Variants in FHL5 observed in about 807,000 individuals in gnomAD.
FHL5 encodes the protein four and a half LIM domains 5.
FHL5 carries 33 observed loss-of-function variants against 32.0 expected under a neutral mutation model. The ratio of observed to expected loss-of-function variants is 1.03; its 90% CI spans 0.78 to 1.38. The LOEUF is 1.38. Among genes scored for constraint, FHL5 ranks in the 40% most tolerant of loss-of-function variants. The pLI, the probability that FHL5 is intolerant of heterozygous loss-of-function variation, is 0.00. For synonymous variants in FHL5, 114 were observed against 113.6 expected (o/e 1.00, Z -0.02); for missense variants, 336 against 343.9 (o/e 0.98, Z 0.18).
Position 96,588,534 on chromosome 6 carries a change from T to A in FHL5, c.-12-15068T>A, listed in dbSNP as rs1194769862. Reference sequence around the variant, plus strand: ...TTTCTTTGTCCTCACCAACATTTGATATTGTCAGCATTCTTTTCATATTTT... The same window carrying A: ...TTTCTTTGTCCTCACCAACATTTGAAATTGTCAGCATTCTTTTCATATTTT... On this transcript the variant is annotated intron_variant, in intron 1 of 5. Transcript: ENST00000450218. 3.9e-5 allele frequency among the ~76,000 whole-genome samples: 6 copies of A among 152,340 alleles called. No individual in the cohort carries two copies. In the East Asian group the frequency reaches 1.2e-3, roughly 29 times the overall value.
At chr6:96,591,821 A>G (rs892858505) in intron 1 of FHL5, among the ~76,000 whole-genome samples, 4 of 152,242 alleles carry the variant, frequency 2.6e-5, no homozygotes, top group Non-Finnish European at 5.9e-5. Context: ...AGAACAAAAG[A>G]GAGAAATTTT....
At chr6:96,594,709 G>A (rs965173828) in intron 1 of FHL5, among the ~76,000 whole-genome samples, 14 of 151,778 alleles carry the variant, frequency 9.2e-5, no homozygotes, top group African/African-American at 3.4e-4. Context: ...CTTCTTTTGT[G>A]ATGTCTCAGT....
At chr6:96,583,072 C>T in intron 1 of FHL5, among the ~76,000 whole-genome samples, 1 of 152,098 alleles carries the variant, frequency 6.6e-6, no homozygotes, top group Admixed American at 6.6e-5. Context: ...AAACTATACG[C>T]TAGGGCTAAA....
At chr6:96,580,737 T>G (rs1220990946) in intron 1 of FHL5, among the ~76,000 whole-genome samples, 1 of 152,218 alleles carries the variant, frequency 6.6e-6, no homozygotes, top group Non-Finnish European at 1.5e-5. Flanking sequence ...ATGTGATTGA[T>G]TTTGAAATCT....
chr6:96,592,500 G>C (rs1770942600), intron 1 of FHL5, among the ~76,000 whole-genome samples: 1 of 152,118 alleles, frequency 6.6e-6, no homozygotes, highest in Non-Finnish European at 1.5e-5. Flanking sequence ...AATTTGTGCA[G>C]TTAATGCAAT....
intron 4 of FHL5, among the ~76,000 whole-genome samples, chr6:96,606,362 AT>A (rs1191582600): frequency 6.7e-6 from 1 of 150,322 alleles, no homozygotes; most frequent in Admixed American, 6.6e-5. Flanking sequence ...TTGTTGTTTT[AT>A]TTTTTTGGGA....
At chr6:96,604,678 T>G in intron 2 of FHL5, 72 bp from the exon 3 acceptor site, 1 of 1,221,970 alleles carries the variant, frequency 8.2e-7, no homozygotes, top group Non-Finnish European at 1.2e-6. Context: ...CCAGGAGTGT[T>G]CAGTTTTGTT....
intron 1 of FHL5, among the ~76,000 whole-genome samples, chr6:96,602,449 TTTTTTTTTTTTTTTTG>T (rs1771173258): frequency 8.4e-6 from 1 of 119,186 alleles, no homozygotes; most frequent in African/African-American, 3.5e-5. Flanking sequence ...TTTTTTTTTT[TTTTTTTTTTTTTTTTG>T]AGACGGAGTC....
chr6:96,570,313 C>T (rs1258076439), intron 1 of FHL5, among the ~76,000 whole-genome samples: 1 of 152,046 alleles, frequency 6.6e-6, no homozygotes, highest in African/African-American at 2.4e-5. Context: ...CTATTCTCTC[C>T]TCGCCTGTGA....
At chr6:96,578,774 G>A (rs574196312) in intron 1 of FHL5, among the ~76,000 whole-genome samples, 3 of 152,070 alleles carry the variant, frequency 2.0e-5, no homozygotes, top group Admixed American at 6.5e-5. Context: ...CCTGGGAGGC[G>A]GAAGCTGCAG....
At position 96,610,682 on chromosome 6, in the gene FHL5, C is replaced by T. The variant is rs61732222; in HGVS notation, c.615C>T (p.Asp205=). The change falls in exon 5 of 6, where the codon GAC becomes GAT. Residue 205 remains aspartate, a synonymous_variant. Coordinates refer to ENST00000450218, the MANE Select transcript of FHL5 (RefSeq NM_001322466.2). ...DLCEEQFMSR[D]DYPFCVDCYN... is the part of the protein sequence containing the mutation. The stretch of plus-strand genomic sequence containing the variant: ...GTGAAGAACAGTTCATGTCCAGAGA[C>T]GACTATCCATTCTGCGTGGACTGCT... 2.3e-4 allele frequency: 378 copies of T among 1,613,516 alleles called. 1 individual carries two copies. In the African/African-American group the frequency reaches 3.5e-3, roughly 15 times the overall value.
intron 1 of FHL5, among the ~76,000 whole-genome samples, chr6:96,564,023 C>T (rs1582452618): frequency 6.6e-6 from 1 of 152,150 alleles, no homozygotes; most frequent in South Asian, 2.1e-4. Context: ...GCATACATCC[C>T]ATATGTGTTA....
rs758757727 is a variant in FHL5 at position 96,605,977 on chromosome 6, T to C, written c.410T>C (p.Ile137Thr). 3.7e-6 allele frequency: 6 copies of C among 1,613,982 alleles called. No homozygotes were observed. In the East Asian group the frequency reaches 6.7e-5, roughly 18 times the overall value. The change falls in exon 4 of 6, where the codon ATA becomes ACA. Residue 137 changes from isoleucine (I) to threonine (T), a missense_variant. Physicochemically the swap from Ile to Thr is moderately conservative, Grantham distance 89. Transcript: ENST00000450218. ...CFVCENCRQP[I>T]GTKPLISKES... is the part of the protein sequence containing the mutation. ...GTGTGTGAGAATTGCCGACAACCTA[T>C]AGGGACAAAGCCTTTGATCTCCAAA...
At chr6:96,589,965 C>A (rs1314120411) in intron 1 of FHL5, among the ~76,000 whole-genome samples, 2 of 152,000 alleles carry the variant, frequency 1.3e-5, no homozygotes, top group African/African-American at 4.8e-5. Context: ...TCCTTTAGGT[C>A]ATGTGTTATA....
intron 1 of FHL5, among the ~76,000 whole-genome samples, chr6:96,596,551 G>A (rs746521951): frequency 6.6e-6 from 1 of 151,824 alleles, no homozygotes; most frequent in Non-Finnish European, 1.5e-5. Context: ...TGACCTTCAC[G>A]ATATCTGCTT....
chr6:96,599,023 A>G (rs1771093151), intron 1 of FHL5, among the ~76,000 whole-genome samples: 1 of 152,034 alleles, frequency 6.6e-6, no homozygotes, highest in Non-Finnish European at 1.5e-5. Context: ...GAGTCTATTC[A>G]TTCTGCATAG....
chr6:96,578,544 G>A (rs758535903), intron 1 of FHL5, among the ~76,000 whole-genome samples: 1 of 152,022 alleles, frequency 6.6e-6, no homozygotes, highest in Non-Finnish European at 1.5e-5. Context: ...AAAGAAGCTT[G>A]TTAAAATTGA....
chr6:96,615,393 G>C (rs1029302832), intron 5 of FHL5, among the ~76,000 whole-genome samples: 2 of 152,146 alleles, frequency 1.3e-5, no homozygotes, highest in African/African-American at 4.8e-5. Context: ...GGCAGAATTT[G>C]GCTGTGAATC....
chr6:96,608,278 G>A (rs1771326391), intron 4 of FHL5, among the ~76,000 whole-genome samples: 1 of 152,092 alleles, frequency 6.6e-6, no homozygotes, highest in Non-Finnish European at 1.5e-5. Flanking sequence ...CCAGGTTATT[G>A]GAGCCTGTAA....
Sources: allele counts gnomAD v4.1 joint callset (sites outside exome capture counted in the v4.1 genomes callset), GRCh38; gene constraint gnomAD v4.1.1; transcripts MANE v1.5; gene names NCBI Gene and HGNC (gene_info 2026-07-23, HGNC 2026-07-21).